Variants in DOCK6 observed in about 807,000 individuals in gnomAD.
DOCK6 encodes the protein dedicator of cytokinesis 6, also known as dedicator of cytokinesis protein 6.
Under a neutral mutation model 230.3 loss-of-function variants are expected in DOCK6, and 167 were observed. The ratio of observed to expected loss-of-function variants is 0.73; its 90% CI spans 0.64 to 0.82. The LOEUF is 0.82. DOCK6 is among the 40% of genes least tolerant of loss of function. DOCK6 has a pLI of 0.00. For synonymous variants in DOCK6, 1,148 were observed against 1,185.0 expected, an observed-to-expected ratio of 0.97 and a Z score of 0.64; for missense variants, 2,598 against 2,825.8, an observed-to-expected ratio of 0.92 and a Z score of 1.83.
In DOCK6 at chr19:11,219,510, C is replaced by T. The variant is rs117006401; in HGVS notation, c.3551-2119G>A. ...GCTTAAAAAAATCACTGTTAATCGG[C>T]TGGGCGTGGTGGCTCACGCCTGTAA... On this transcript the variant is annotated intron_variant, in intron 28 of 47. Transcript: ENST00000294618. Among the ~76,000 whole-genome samples, 345 of 151,910 alleles carry T rather than the reference C, an allele frequency of 2.3e-3. 1 individual carries two copies. Among genetic ancestry groups the T allele is most frequent in the Non-Finnish European group, 4.0e-3 (273 of 67,948 alleles).
At chr19:11,245,131 A>G (rs531452450) in intron 9 of DOCK6, among the ~76,000 whole-genome samples, 4 of 152,302 alleles carry the variant, frequency 2.6e-5, no homozygotes, top group Admixed American at 2.6e-4. Flanking sequence ...CCATAGCAGC[A>G]CCTGCCTGTG....
chr19:11,217,435 A>G, intron 28 of DOCK6, 44 bp from the exon 29 acceptor site: 1 of 1,586,596 alleles, frequency 6.3e-7, no homozygotes, highest in Non-Finnish European at 8.6e-7. Context: ...ACCCTTGGTA[A>G]GTGCTGTCCC....
In DOCK6 at chr19:11,214,366, A is replaced by C. The variant is rs2079443574; in HGVS notation, c.4247T>G (p.Val1416Gly). Residue 1416 changes from valine to glycine, a missense_variant, in exon 34 of 48, where the codon GTG becomes GGG. Physicochemically the swap from Val to Gly is moderately radical, Grantham distance 109 (BLOSUM62 -3). Coordinates refer to ENST00000294618, the MANE Select transcript of DOCK6 (RefSeq NM_020812.4). ...CAGGCTGTACAGCACAACCTTCAGC[A>C]CTGCCCCCAAGACGCTCTCCCGGGC... Reference protein sequence around the residue: ...SEARESVLGAVLKVVLYSLGS... With the variant: ...SEARESVLGAGLKVVLYSLGS... The C allele has an allele frequency of 6.2e-7, 1 of 1,613,478 alleles. No individual in the cohort carries two copies. The highest frequency in any genetic ancestry group is 1.7e-5 in the Admixed American group (1 of 59,990).
At chr19:11,259,901 T>TTTTTTTA (rs59463414) in intron 1 of DOCK6, among the ~76,000 whole-genome samples, 2 of 141,202 alleles carry the variant, frequency 1.4e-5, no homozygotes, top group Admixed American at 7.1e-5. Context: ...TTTTTTTTTT[T>TTTTTTTA]GAGACAGAGT....
intron 14 of DOCK6, chr19:11,241,772 C>A (rs1054813853): frequency 3.9e-6 from 6 of 1,543,058 alleles, no homozygotes; most frequent in African/African-American, 1.4e-5. Flanking sequence ...GAGGAGCTGC[C>A]TGTTCACTGG....
chr19:11,254,340 A>G (rs965971170), intron 1 of DOCK6, among the ~76,000 whole-genome samples: 7 of 152,188 alleles, frequency 4.6e-5, no homozygotes, highest in Non-Finnish European at 8.8e-5. Context: ...AGTAACCCCA[A>G]GCAACCAAGG....
intron 28 of DOCK6, among the ~76,000 whole-genome samples, chr19:11,218,301 C>T (rs776048808): frequency 1.3e-5 from 2 of 152,080 alleles, no homozygotes; most frequent in Non-Finnish European, 2.9e-5. Flanking sequence ...TGCGCGCCAC[C>T]GTGCATGGCT....
intron 1 of DOCK6, among the ~76,000 whole-genome samples, chr19:11,258,031 T>C (rs2080225098): frequency 6.6e-6 from 1 of 152,166 alleles, no homozygotes; most frequent in Non-Finnish European, 1.5e-5. Flanking sequence ...TACTCCAAGG[T>C]GTGGATTACT....
intron 1 of DOCK6, among the ~76,000 whole-genome samples, chr19:11,256,294 C>T (rs1430328131): frequency 1.3e-5 from 2 of 152,200 alleles, no homozygotes; most frequent in Non-Finnish European, 2.9e-5. Flanking sequence ...AAAGCTGTGC[C>T]CTGGTCCCAG....
chr19:11,209,101 A>G lies in DOCK6; in HGVS notation c.4754T>C (p.Ile1585Thr). 6.2e-7 allele frequency: 1 copy of G among 1,611,110 alleles called. No homozygotes were observed. The highest frequency in any genetic ancestry group is 8.5e-7 in the Non-Finnish European group (1 of 1,179,128). ...PEMLIDLMYR[I>T]ARGYQGSPDL... ...CGGTGAGCCCTGGTAGCCCCGGGCA[A>G]TTCTGGAGTCCAGGTGAGGGGGGAT... Residue 1585 changes from isoleucine to threonine, a missense_variant and splice_region_variant, in exon 38 of 48, where the codon ATT becomes ACT. Coordinates refer to ENST00000294618, the MANE Select transcript of DOCK6 (RefSeq NM_020812.4).
rs2079172295 is a variant in DOCK6 at position 11,201,815 on chromosome 19, A to ACCCTC, written c.5688+69_5688+73dup. 2 of 1,323,014 alleles carry ACCCTC rather than the reference A, an allele frequency of 1.5e-6. No individual in the cohort carries two copies. Among genetic ancestry groups the ACCCTC allele is most frequent in the Admixed American group, 2.1e-5 (1 of 47,562 alleles). The allele number at this position is 1,323,014 out of a possible 1,614,324, so 82.0% of individuals were successfully genotyped here. A position where few individuals can be genotyped will look rare whatever the true frequency, so the allele number is the denominator to read the frequency against. ...ACCTTGGGTCTGGGTCCCTGTGTCTACCCTCCCCTCCCCTCCCAGGGTCTG... is the reference window on the plus strand; with the variant it reads ...ACCTTGGGTCTGGGTCCCTGTGTCTACCCTCCCCTCCCCTCCCCTCCCAGGGTCTG... On this transcript the variant is annotated intron_variant, in intron 44 of 47. Transcript: ENST00000294618. This position sits in a 1 kb window ranked among gnomAD's most constrained non-coding sequence, Gnocchi z 4.3.
At position 11,228,987 on chromosome 19, in the gene DOCK6, C is replaced by A. The variant is rs143194982; in HGVS notation, c.2767G>T (p.Val923Leu). 1 of 1,613,668 alleles carries A rather than the reference C, an allele frequency of 6.2e-7. No homozygotes were observed. Residue 923 changes from valine to leucine, a missense_variant, in exon 23 of 48, where the codon GTA becomes TTA. Transcript: ENST00000294618. ...GCGTGCTGGAGGATGGCCTCGCGTA[C>A]GGCACTGCTGCTGACCACCCACTGC... Reference protein sequence around the residue: ...ALQWVVSSSAVREAILQHAWF... With the variant: ...ALQWVVSSSALREAILQHAWF...
intron 22 of DOCK6, chr19:11,229,446 T>C (rs1423643265): frequency 1.1e-6 from 1 of 901,116 alleles, no homozygotes; most frequent in Non-Finnish European, 1.3e-6. Flanking sequence ...TGAAGGGGTA[T>C]GTGGTTGGAG....
Position 11,245,920 on chromosome 19 carries a change from C to G in DOCK6, c.807-42G>C, listed in dbSNP as rs564948070. The G allele has an allele frequency of 1.0e-5, 16 of 1,550,672 alleles. No individual in the cohort carries two copies. In the East Asian group the frequency reaches 3.4e-4, roughly 33 times the overall value. ...GGGAGGGGGCTCTCCTTAACACTTC[C>G]CGCTGTCCACACACCCCACTCCCTC... On this transcript the variant is annotated intron_variant, in intron 7 of 47. Coordinates refer to ENST00000294618, the MANE Select transcript of DOCK6 (RefSeq NM_020812.4).
chr19:11,237,563 G>T lies in DOCK6; in HGVS notation c.1972-6C>A. On this transcript the variant is annotated splice_polypyrimidine_tract_variant and splice_region_variant and intron_variant, in intron 17 of 47. Transcript: ENST00000294618. ...TGCTGCAGCAGTGGGATCCACTGGGGAGAGGCTGGAGGTCAGGTCTGCGGC... is the reference window on the plus strand; with the variant it reads ...TGCTGCAGCAGTGGGATCCACTGGGTAGAGGCTGGAGGTCAGGTCTGCGGC... The T allele has an allele frequency of 6.2e-7, 1 of 1,608,076 alleles. No individual in the cohort carries two copies. The highest frequency in any genetic ancestry group is 8.5e-7 in the Non-Finnish European group (1 of 1,177,214).
chr19:11,233,272 G>A lies in DOCK6; in HGVS notation c.2649C>T (p.Ser883=). ...GGGCCACGGCGAGGTCAGGGTTGCT[G>A]CTGCTGATGCTCTTGGAACGCGCCA... ...LYLARSKSIS[S]SNPDLAVAPG... Residue 883 remains serine, a synonymous_variant, in exon 22 of 48, where the codon AGC becomes AGT. Coordinates refer to ENST00000294618, the MANE Select transcript of DOCK6 (RefSeq NM_020812.4). The A allele has an allele frequency of 6.2e-7, 1 of 1,613,900 alleles. No homozygotes were observed. Among genetic ancestry groups the A allele is most frequent in the South Asian group, 1.1e-5 (1 of 91,070 alleles).
Position 11,256,499 on chromosome 19 carries a change from C to T in DOCK6, c.45-2773G>A, listed in dbSNP as rs554062175. 3.3e-5 allele frequency among the ~76,000 whole-genome samples: 5 copies of T among 152,216 alleles called. No homozygotes were observed. In the South Asian group the frequency reaches 1.0e-3, roughly 32 times the overall value. On this transcript the variant is annotated intron_variant, in intron 1 of 47. Coordinates refer to ENST00000294618, the MANE Select transcript of DOCK6 (RefSeq NM_020812.4). Reference sequence around the variant, plus strand: ...GAGCCGTCAAGCTTGGATGAGTGACCATCAGTCTCTCAGCCTCAGGGCTCA... The same window carrying T: ...GAGCCGTCAAGCTTGGATGAGTGACTATCAGTCTCTCAGCCTCAGGGCTCA...
At position 11,217,022 on chromosome 19, in the gene DOCK6, T is replaced by C; in HGVS notation, c.3786A>G (p.Lys1262=). 4 of 1,613,612 alleles carry C rather than the reference T, an allele frequency of 2.5e-6. No individual in the cohort carries two copies. Among genetic ancestry groups the C allele is most frequent in the Non-Finnish European group, 3.4e-6 (4 of 1,179,886 alleles). The change falls in exon 30 of 48, where the codon AAA becomes AAG. Residue 1262 remains lysine (K), a synonymous_variant. Coordinates refer to ENST00000294618, the MANE Select transcript of DOCK6 (RefSeq NM_020812.4). ...GCTGCAGGAGCGCCGGCTCGGTGTT[T>C]TTCAGCACCCACAGCACACACGCCA... ...TLLACVLWVL[K]NTEPALLQRW... is the part of the protein sequence containing the mutation.
In DOCK6 at chr19:11,222,382, C is replaced by G; in HGVS notation, c.3241-134G>C. The G allele has an allele frequency of 7.8e-7, 1 of 1,277,970 alleles. No individual in the cohort carries two copies. Among genetic ancestry groups the G allele is most frequent in the East Asian group, 2.6e-5 (1 of 39,138 alleles). The allele number at this position is 1,277,970 out of a possible 1,614,324, so 79.2% of individuals were successfully genotyped here. On this transcript the variant is annotated intron_variant, in intron 26 of 47. Coordinates refer to ENST00000294618, the MANE Select transcript of DOCK6 (RefSeq NM_020812.4). This position sits in a 1 kb window ranked among gnomAD's most constrained non-coding sequence, Gnocchi z 4.0. Reference sequence around the variant, plus strand: ...AGATGAAAGACTGATGTTAAGTCATCTGGAGGTGACAGTGGGCATGGGTTT... The same window carrying G: ...AGATGAAAGACTGATGTTAAGTCATGTGGAGGTGACAGTGGGCATGGGTTT...
Sources: gnomAD v4.1 joint callset for allele counts (sites outside exome capture counted in the v4.1 genomes callset) on GRCh38, gnomAD v4.1.1 for gene constraint, Gnocchi (gnomAD v3.1) non-coding constraint, MANE v1.5 for transcripts, NCBI Gene and HGNC (gene_info 2026-07-23, HGNC 2026-07-21) for gene names.